Variants in CACNA2D3 observed in about 807,000 individuals in gnomAD.
CACNA2D3 encodes the protein voltage-dependent calcium channel subunit alpha-2/delta-3.
CACNA2D3 carries 60 observed loss-of-function variants against 160.6 expected under a neutral mutation model. The ratio of observed to expected loss-of-function variants is 0.37; its 90% confidence interval spans 0.30 to 0.46. CACNA2D3 has a LOEUF of 0.46. Among genes scored for constraint, CACNA2D3 ranks in the 20% least tolerant of loss-of-function variants. The pLI, the probability that CACNA2D3 is intolerant of heterozygous loss-of-function variation, is 1.00. For synonymous variants in CACNA2D3, 558 were observed against 492.9 expected, an observed-to-expected ratio of 1.13 and a Z score of -1.75; for missense variants, 1,205 against 1,365.0, an observed-to-expected ratio of 0.88 and a Z score of 1.85.
At chr3:54,173,630 T>A (rs1008671001) in intron 2 of CACNA2D3, among the ~76,000 whole-genome samples, 2 of 152,212 alleles carry the variant, frequency 1.3e-5, no homozygotes, top group Admixed American at 6.5e-5. Flanking sequence ...TTAGAGAACA[T>A]GGCTGAGCAA....
intron 5 of CACNA2D3, among the ~76,000 whole-genome samples, chr3:54,517,524 G>A (rs1232298281): frequency 6.6e-6 from 1 of 152,190 alleles, no homozygotes; most frequent in Non-Finnish European, 1.5e-5. Flanking sequence ...AGTCAGCATC[G>A]CAGACCACAG....
intron 17 of CACNA2D3, among the ~76,000 whole-genome samples, chr3:54,850,142 C>T (rs548249234): frequency 6.6e-6 from 1 of 152,256 alleles, no homozygotes; most frequent in East Asian, 1.9e-4. Flanking sequence ...TTTCTGTCCT[C>T]GCCACCAGCT....
intron 4 of CACNA2D3, among the ~76,000 whole-genome samples, chr3:54,462,302 G>C (rs1301707058): frequency 2.0e-5 from 3 of 152,160 alleles, no homozygotes; most frequent in Non-Finnish European, 4.4e-5. Flanking sequence ...TCCACTTGGT[G>C]CAGAGCTGAG....
intron 13 of CACNA2D3, among the ~76,000 whole-genome samples, chr3:54,782,802 A>G (rs1702560153): frequency 6.6e-6 from 1 of 152,190 alleles, no homozygotes; most frequent in Non-Finnish European, 1.5e-5. Flanking sequence ...GAAGCTTGAG[A>G]GGAAAGGCTG....
chr3:54,475,031 A>G (rs561084348), intron 4 of CACNA2D3, among the ~76,000 whole-genome samples: 1 of 152,150 alleles, frequency 6.6e-6, no homozygotes, highest in South Asian at 2.1e-4. Context: ...TTTCACCCTG[A>G]CTGAGCACAG....
chr3:54,844,876 TAATTTTGAGTTTGAATTCCCAAATAC>T (rs1698900057), intron 16 of CACNA2D3, among the ~76,000 whole-genome samples: 3 of 152,244 alleles, frequency 2.0e-5, no homozygotes, highest in Admixed American at 2.0e-4. Context: ...TTGTTTTGTT[TAATTTTGAGTTTGAATTCCCAAATAC>T]AATTTTTGCC....
chr3:54,781,761 A>C (rs941132665), intron 13 of CACNA2D3, among the ~76,000 whole-genome samples: 2 of 152,252 alleles, frequency 1.3e-5, no homozygotes, highest in Admixed American at 1.3e-4. Context: ...GCAAGTATGC[A>C]CAAAAGCCAA....
At chr3:54,895,158 T>C (rs1174694322) in intron 25 of CACNA2D3, among the ~76,000 whole-genome samples, 1 of 152,198 alleles carries the variant, frequency 6.6e-6, no homozygotes, top group Non-Finnish European at 1.5e-5. Flanking sequence ...AGAGCACTTA[T>C]GAAGACGGCC....
At chr3:54,171,136 CT>C (rs57761171) in intron 2 of CACNA2D3, among the ~76,000 whole-genome samples, 2,110 of 62,488 alleles carry the variant, frequency 0.034, 104 homozygotes, top group African/African-American at 0.11. Flanking sequence ...AAGATGATGA[CT>C]TTTTTTTTTT....
intron 4 of CACNA2D3, among the ~76,000 whole-genome samples, chr3:54,456,633 T>C (rs932856753): frequency 1.7e-4 from 26 of 152,040 alleles, no homozygotes; most frequent in African/African-American, 5.8e-4. Context: ...TAGAGTGAGT[T>C]TGGAAGTGCT....
intron 10 of CACNA2D3, among the ~76,000 whole-genome samples, chr3:54,636,607 G>A (rs1699378073): frequency 6.6e-6 from 1 of 152,034 alleles, no homozygotes; most frequent in African/African-American, 2.4e-5. Flanking sequence ...AAAACAGTAA[G>A]GTCAAGTTGT....
intron 13 of CACNA2D3, among the ~76,000 whole-genome samples, chr3:54,813,594 C>T (rs900416243): frequency 2.0e-5 from 3 of 152,086 alleles, no homozygotes; most frequent in Non-Finnish European, 4.4e-5. Flanking sequence ...GATTATCTTT[C>T]CCTGGCATCA....
intron 9 of CACNA2D3, chr3:54,626,456 A>G (rs934426100): frequency 2.6e-5 from 42 of 1,599,334 alleles, no homozygotes; most frequent in Non-Finnish European, 3.3e-5. Flanking sequence ...CACCTGCGTG[A>G]CGTGATCATC....
intron 3 of CACNA2D3, among the ~76,000 whole-genome samples, chr3:54,347,092 C>T (rs895595120): frequency 1.3e-5 from 2 of 152,192 alleles, no homozygotes; most frequent in African/African-American, 4.8e-5. Flanking sequence ...GCAGGGGACA[C>T]ATTGCAATGT....
chr3:54,600,428 C>T (rs554277041), intron 9 of CACNA2D3, among the ~76,000 whole-genome samples: 3 of 152,176 alleles, frequency 2.0e-5, no homozygotes, highest in Non-Finnish European at 4.4e-5. Context: ...TAGCAGCTTT[C>T]GTGGGTATTT....
intron 3 of CACNA2D3, among the ~76,000 whole-genome samples, chr3:54,364,502 A>C (rs1698796135): frequency 6.6e-6 from 1 of 152,246 alleles, no homozygotes; most frequent in African/African-American, 2.4e-5. Flanking sequence ...TTGAGCTGTG[A>C]TAATAGTATC....
chr3:54,127,716 T>C (rs1224057061), intron 2 of CACNA2D3, among the ~76,000 whole-genome samples: 1 of 152,186 alleles, frequency 6.6e-6, no homozygotes, highest in Admixed American at 6.5e-5. Flanking sequence ...TTTAAAAGCT[T>C]GAAATCTCTG....
chr3:54,249,662 TACACACACACAC>T (rs10656572), intron 2 of CACNA2D3, among the ~76,000 whole-genome samples: 102 of 132,920 alleles, frequency 7.7e-4, no homozygotes, highest in Admixed American at 2.1e-3. Flanking sequence ...TCTGTTTACG[TACACACACACAC>T]ACACACACAC....
chr3:54,730,491 T>TCTTTCTTTCTTTCTTTC (rs1201712229), intron 11 of CACNA2D3, among the ~76,000 whole-genome samples: 6 of 106,668 alleles, frequency 5.6e-5, no homozygotes, highest in African/African-American at 1.8e-4. Context: ...TGAAACAGAA[T>TCTTTCTTTCTTTCTTTC]CTTTCTTTCT....
Sources: allele counts gnomAD v4.1 joint callset (sites outside exome capture counted in the v4.1 genomes callset), GRCh38; gene constraint gnomAD v4.1.1; transcripts MANE v1.5; gene names NCBI Gene and HGNC (gene_info 2026-07-23, HGNC 2026-07-21).